The following BDP1 variants were observed in gnomAD, a reference collection of about 807,000 sequenced individuals.
BDP1 encodes BDP1 general transcription factor IIIB subunit, also known as transcription factor TFIIIB component B'' homolog.
Under a neutral mutation model 266.6 loss-of-function variants are expected in BDP1, and 169 were observed. The observed-to-expected ratio is 0.63, with a 90% CI of 0.56 to 0.72. The LOEUF (loss-of-function observed/expected upper bound fraction) is 0.72. Ranked by LOEUF, BDP1 falls within the 30% of genes least tolerant of loss-of-function variation. The pLI, the probability that BDP1 is intolerant of heterozygous loss-of-function variation, is 0.00. For missense variants in BDP1, 3,015 were observed against 3,053.8 expected (o/e 0.99, Z 0.30); for synonymous variants, 1,090 against 1,022.4 (o/e 1.07, Z -1.26).
intron 34 of BDP1, among the ~76,000 whole-genome samples, chr5:71,551,070 GATTT>G (rs990960323): frequency 1.0e-4 from 15 of 150,588 alleles, no homozygotes; most frequent in African/African-American, 3.7e-4. Context: ...TAAATATTCA[GATTT>G]ATTTTATTAT....
rs752124588 is a variant in BDP1, at chr5:71,526,615, CA to C, written c.5772+2313del. 9.5e-3 allele frequency among the ~76,000 whole-genome samples: 473 copies of C among 49,856 alleles called. 2 individuals are homozygous for C. The highest frequency in any genetic ancestry group is 0.031 in the African/African-American group (375 of 12,042). 32.7% of individuals were successfully genotyped at this position (49,856 alleles called of 152,430 possible). A position where few individuals can be genotyped will look rare whatever the true frequency, so the allele number is the denominator to read the frequency against. On this transcript the variant is annotated intron_variant, in intron 25 of 38. Coordinates refer to ENST00000358731, the MANE Select transcript of BDP1 (RefSeq NM_018429.3). ...TGGGAGACAGAGCGAGACTCTATCT[CA>C]AAAAAAAAAAAAAAAAAAAAGAAGA... is the stretch of plus-strand genomic sequence containing the variant.
Position 71,458,653 on chromosome 5 carries a change from A to T in BDP1, c.287A>T (p.Lys96Met). 6.2e-7 allele frequency: 1 copy of T among 1,613,828 alleles called. No individual in the cohort carries two copies. Among genetic ancestry groups the T allele is most frequent in the Non-Finnish European group, 8.5e-7 (1 of 1,179,724 alleles). The change falls in exon 2 of 39, where the codon AAG becomes ATG. Residue 96 changes from lysine to methionine, a missense_variant. Coordinates refer to ENST00000358731, the MANE Select transcript of BDP1 (RefSeq NM_018429.3). ...TCCTCTACTGTTTCACAGAGAAGAA[A>T]GCGAATATCAAGTACTTCTAGCCTG... ...RSSSTVSQRR[K>M]RISSTSSLVK...
chr5:71,527,879 C>T (rs989788005), intron 25 of BDP1, among the ~76,000 whole-genome samples: 4 of 148,170 alleles, frequency 2.7e-5, no homozygotes, highest in Admixed American at 1.4e-4. Context: ...AGTACAGTGG[C>T]GCAATCTTGG....
At chr5:71,466,526 A>G (rs1401541630) in intron 5 of BDP1, among the ~76,000 whole-genome samples, 1 of 152,182 alleles carries the variant, frequency 6.6e-6, no homozygotes, top group Non-Finnish European at 1.5e-5. Flanking sequence ...CTGAGGATAA[A>G]TTTCTAAGAT....
intron 8 of BDP1, among the ~76,000 whole-genome samples, chr5:71,484,708 A>T (rs1316080496): frequency 6.6e-6 from 1 of 152,180 alleles, no homozygotes; most frequent in Non-Finnish European, 1.5e-5. Flanking sequence ...TGATTACAAG[A>T]TAGGTCTTTT....
At chr5:71,532,155 A>C (rs977475868) in intron 25 of BDP1, among the ~76,000 whole-genome samples, 153 bp from the exon 26 acceptor site, 1 of 152,228 alleles carries the variant, frequency 6.6e-6, no homozygotes, top group African/African-American at 2.4e-5. Context: ...TCAGTCAATA[A>C]AAGAATTACT....
At chr5:71,462,122 C>A (rs528501451) in intron 3 of BDP1, among the ~76,000 whole-genome samples, 196 bp downstream of exon 3, 6 of 152,040 alleles carry the variant, frequency 3.9e-5, no homozygotes, top group African/African-American at 1.4e-4. Context: ...GCCACCACAC[C>A]CGGCTAATTT....
chr5:71,538,939 T>G, intron 26 of BDP1, 103 bp from the exon 27 acceptor site: 1 of 750,742 alleles, frequency 1.3e-6, no homozygotes, highest in Non-Finnish European at 2.3e-6. Flanking sequence ...TACACTATTG[T>G]AGCTAAAAGT....
intron 25 of BDP1, among the ~76,000 whole-genome samples, chr5:71,525,445 C>G (rs78048995): frequency 4.0e-5 from 2 of 49,408 alleles, no homozygotes; most frequent in Non-Finnish European, 7.7e-5. Flanking sequence ...GGGGGGCTGA[C>G]ACCCCCCACC....
At chr5:71,491,166 C>T (rs1466756090) in intron 11 of BDP1, 35 bp downstream of exon 11, 10 of 1,584,510 alleles carry the variant, frequency 6.3e-6, no homozygotes, top group Non-Finnish European at 8.7e-6. Context: ...TTATCCACAT[C>T]TGTTGATTAC....
chr5:71,528,878 A>G (rs902335935), intron 25 of BDP1, among the ~76,000 whole-genome samples: 8 of 152,248 alleles, frequency 5.3e-5, no homozygotes, highest in African/African-American at 1.9e-4. Flanking sequence ...ATTTAGCTAT[A>G]TATTTTGTAT....
intron 17 of BDP1, chr5:71,511,496 A>G (rs1290242978): frequency 7.6e-5 from 12 of 157,874 alleles, no homozygotes. Context: ...TAAATAAAAA[A>G]TAAAATACAA....
chr5:71,564,804 G>A lies in BDP1; in HGVS notation c.7794G>A (p.Lys2598=). Residue 2598 remains lysine, a synonymous_variant, in exon 39 of 39, where the codon AAG becomes AAA. Transcript: ENST00000358731. ...LLKEGYKSAQ[K]RAPQGEATTV... ...AAGAAGGATATAAAAGTGCCCAAAAGCGGGCCCCTCAAGGGGAGGCAACCA... is the reference window on the plus strand; with the variant it reads ...AAGAAGGATATAAAAGTGCCCAAAAACGGGCCCCTCAAGGGGAGGCAACCA... 2 of 1,611,534 alleles carry A rather than the reference G, an allele frequency of 1.2e-6. No individual in the cohort carries two copies. Among genetic ancestry groups the A allele is most frequent in the Non-Finnish European group, 1.7e-6 (2 of 1,179,672 alleles).
At chr5:71,496,142 T>C (rs1763876794) in intron 12 of BDP1, among the ~76,000 whole-genome samples, 1 of 150,042 alleles carries the variant, frequency 6.7e-6, no homozygotes, top group Admixed American at 6.7e-5. Flanking sequence ...CTTGGGAGGC[T>C]GAGGCAGGAG....
intron 7 of BDP1, among the ~76,000 whole-genome samples, chr5:71,483,033 G>A (rs1354453111): frequency 6.6e-6 from 1 of 152,176 alleles, no homozygotes; most frequent in Non-Finnish European, 1.5e-5. Context: ...CATATTAGTG[G>A]TTAAGTTCTT....
intron 7 of BDP1, among the ~76,000 whole-genome samples, chr5:71,478,721 A>G (rs1762749380): frequency 6.6e-6 from 1 of 151,156 alleles, no homozygotes; most frequent in Non-Finnish European, 1.5e-5. Flanking sequence ...TTTAGTTTTG[A>G]GTTTGCTCAG....
chr5:71,565,132 A>G lies in BDP1; in HGVS notation c.*247A>G. The G allele has an allele frequency of 2.4e-6, 1 of 414,334 alleles. No individual in the cohort carries two copies. The highest frequency in any genetic ancestry group is 4.3e-6 in the Non-Finnish European group (1 of 233,244). The allele number at this position is 414,334 out of a possible 1,614,324, so 25.7% of individuals were successfully genotyped here. Reference sequence around the variant, plus strand: ...TAAGACTGCTTTCTCAGACAGAAATAACAACTCTTGTTTACATTTTGACTC... The same window carrying G: ...TAAGACTGCTTTCTCAGACAGAAATGACAACTCTTGTTTACATTTTGACTC... On this transcript the variant is annotated 3_prime_UTR_variant, in exon 39 of 39. Transcript: ENST00000358731.
chr5:71,494,188 A>G (rs1254433593), intron 11 of BDP1, among the ~76,000 whole-genome samples: 1 of 152,240 alleles, frequency 6.6e-6, no homozygotes, highest in Non-Finnish European at 1.5e-5. Context: ...ATAAAAATAT[A>G]TAGAGAACTC....
chr5:71,557,385 T>TTTA (rs1485648780), intron 36 of BDP1, among the ~76,000 whole-genome samples: 1 of 62,646 alleles, frequency 1.6e-5, no homozygotes, highest in Non-Finnish European at 4.0e-5. Context: ...ATTTTTTTTT[T>TTTA]TTTTTTTTTT....
Sources: gnomAD v4.1 joint callset for allele counts (sites outside exome capture counted in the v4.1 genomes callset) on GRCh38, gnomAD v4.1.1 for gene constraint, MANE v1.5 for transcripts, NCBI Gene and HGNC (gene_info 2026-07-23, HGNC 2026-07-21) for gene names.